The following SYCE1L variants were observed in gnomAD, a reference collection of about 807,000 sequenced individuals.
The protein encoded by SYCE1L is synaptonemal complex central element protein 1-like.
Under a neutral mutation model 39.6 loss-of-function variants are expected in SYCE1L, and 51 were observed. The observed-to-expected ratio is 1.29, with a 90% confidence interval of 1.03 to 1.63. The LOEUF (loss-of-function observed/expected upper bound fraction) is 1.63. Among genes scored for constraint, SYCE1L ranks in the 40% most tolerant of loss-of-function variants. The pLI, the probability that SYCE1L is intolerant of heterozygous loss-of-function variation, is 0.00. For synonymous variants in SYCE1L, 147 were observed against 122.4 expected (o/e 1.20, Z -1.33); for missense variants, 426 against 304.9 (o/e 1.40, Z -2.96).
chr16:77,207,453 G>T (rs147872589), intron 2 of SYCE1L, among the ~76,000 whole-genome samples: 16 of 152,218 alleles, frequency 1.1e-4, no homozygotes, highest in Non-Finnish European at 2.1e-4. Flanking sequence ...TAAAGGGATA[G>T]TGATCACCCT....
At position 77,208,191 on chromosome 16, in the gene SYCE1L, TCTTC is replaced by T. The variant is rs2054798650; in HGVS notation, c.122-15_122-12del. The T allele has an allele frequency of 6.4e-7, 1 of 1,550,508 alleles. No individual in the cohort carries two copies. The highest frequency in any genetic ancestry group is 1.4e-5 in the African/African-American group (1 of 72,960). Reference sequence around the variant, plus strand: ...CACCAGTCTTCTCTGGCTCACTCTTTCTTCCTTTCTTTCTTCAGAGGGAAGCCTG... The same window carrying T: ...CACCAGTCTTCTCTGGCTCACTCTTTCTTTCTTTCTTCAGAGGGAAGCCTG... On this transcript the variant is annotated splice_polypyrimidine_tract_variant and intron_variant, in intron 2 of 10. Transcript: ENST00000378644.
At chr16:77,209,890 G>C (rs957582582) in intron 6 of SYCE1L, among the ~76,000 whole-genome samples, 3 of 152,116 alleles carry the variant, frequency 2.0e-5, no homozygotes, top group Admixed American at 6.5e-5. Flanking sequence ...ATGTCATCCA[G>C]CCAGATGGCT....
chr16:77,208,997 G>A, intron 4 of SYCE1L, 100 bp from the exon 5 acceptor site: 1 of 1,306,610 alleles, frequency 7.7e-7, no homozygotes, highest in Non-Finnish European at 1.1e-6. Flanking sequence ...CCTCTCCTAG[G>A]GCTGTACTAC....
At chr16:77,212,106 G>A in intron 7 of SYCE1L, 24 bp from the exon 8 acceptor site, 5 of 1,543,250 alleles carry the variant, frequency 3.2e-6, no homozygotes, top group Non-Finnish European at 4.4e-6. Context: ...GCCAAACGGG[G>A]AGGCCTCCTC....
At position 77,208,458 on chromosome 16, in the gene SYCE1L, G is replaced by C; in HGVS notation, c.182-7G>C. The stretch of plus-strand genomic sequence containing the variant: ...TCATACAGTGTCTTTTTCCCTTCTT[G>C]GCCCAGCAAAGAAGAAATCCAGTGA... On this transcript the variant is annotated splice_polypyrimidine_tract_variant and splice_region_variant and intron_variant, in intron 3 of 10. Transcript: ENST00000378644. 6.4e-7 allele frequency: 1 copy of C among 1,551,286 alleles called. No homozygotes were observed. The highest frequency in any genetic ancestry group is 8.7e-7 in the Non-Finnish European group (1 of 1,146,878).
Position 77,212,569 on chromosome 16 carries a change from C to G in SYCE1L, c.582-5C>G. 1.3e-6 allele frequency: 2 copies of G among 1,536,644 alleles called. No homozygotes were observed. The highest frequency in any genetic ancestry group is 1.7e-6 in the Non-Finnish European group (2 of 1,146,590). ...CCTCCTGTCTCCTCGGCCCCTTCTC[C>G]GCAGGCTGAAGGCGGAGCTGGAGAT... On this transcript the variant is annotated splice_region_variant and splice_polypyrimidine_tract_variant and intron_variant, in intron 9 of 10. Coordinates refer to ENST00000378644, the MANE Select transcript of SYCE1L (RefSeq NM_001129979.3).
intron 1 of SYCE1L, chr16:77,199,718 C>G (rs367877599): frequency 7.6e-6 from 4 of 524,242 alleles, no homozygotes; most frequent in Non-Finnish European, 3.4e-6. Context: ...CCGAGATTAA[C>G]TTTTGTCAAC....
At chr16:77,201,852 A>G (rs1241222431) in intron 1 of SYCE1L, 1 of 152,212 alleles carries the variant, frequency 6.6e-6, no homozygotes, top group Non-Finnish European at 1.5e-5. Flanking sequence ...TATTATTGAC[A>G]CACAAGGAGC....
chr16:77,212,712 C>T (rs2054834266), intron 10 of SYCE1L, 66 bp downstream of exon 10: 3 of 1,454,308 alleles, frequency 2.1e-6, no homozygotes, highest in African/African-American at 2.9e-5. Context: ...GGGCGGGGGT[C>T]CTGGGAGCGG....
At chr16:77,205,268 C>T (rs990942355) in intron 1 of SYCE1L, among the ~76,000 whole-genome samples, 6 of 151,542 alleles carry the variant, frequency 4.0e-5, no homozygotes, top group South Asian at 2.1e-4. Flanking sequence ...AGCCGCCTTT[C>T]GTCTTCTCTT....
At chr16:77,211,115 G>C in intron 6 of SYCE1L, 98 bp from the exon 7 acceptor site, 1 of 1,325,788 alleles carries the variant, frequency 7.5e-7, no homozygotes, top group Non-Finnish European at 1.1e-6. Flanking sequence ...TCCCAGCAGA[G>C]GGAGCATGGG....
At chr16:77,212,494 T>C (rs896647854) in intron 9 of SYCE1L, 80 bp from the exon 10 acceptor site, 1 of 1,537,100 alleles carries the variant, frequency 6.5e-7, no homozygotes, top group African/African-American at 1.4e-5. Context: ...CGTCGTCGGG[T>C]CTCCGCGTCT....
At chr16:77,203,850 C>T (rs189149276) in intron 1 of SYCE1L, among the ~76,000 whole-genome samples, 54 of 152,222 alleles carry the variant, frequency 3.5e-4, no homozygotes, top group Admixed American at 3.3e-3. Flanking sequence ...CCTCGTCGGC[C>T]TCCCAAAGTG....
intron 1 of SYCE1L, among the ~76,000 whole-genome samples, chr16:77,204,972 G>C (rs1355293392): frequency 6.6e-6 from 1 of 151,372 alleles, no homozygotes; most frequent in African/African-American, 2.4e-5. Context: ...TTGAACCTGG[G>C]AGGCAGAGGT....
chr16:77,212,803 GCGGACGCGAGGAGCGTAGGAA>G, intron 10 of SYCE1L, 33 bp from the exon 11 acceptor site: 2 of 1,434,356 alleles, frequency 1.4e-6, no homozygotes, highest in Non-Finnish European at 1.8e-6. Flanking sequence ...GCAGACGCGG[GCGGACGCGAGGAGCGTAGGAA>G]CCTGGTCCGC....
chr16:77,204,857 G>C (rs1427130079), intron 1 of SYCE1L, among the ~76,000 whole-genome samples: 1 of 151,766 alleles, frequency 6.6e-6, no homozygotes, highest in African/African-American at 2.4e-5. Flanking sequence ...CCAGCCTGGG[G>C]AACACAGTAA....
chr16:77,212,598 C>A lies in SYCE1L; in HGVS notation c.606C>A (p.Phe202Leu). The change falls in exon 10 of 11, where the codon TTC becomes TTA. Residue 202 changes from phenylalanine (F) to leucine (L), a missense_variant. Physicochemically the swap from Phe to Leu is conservative, Grantham distance 22. Transcript: ENST00000378644. ...GGCTGAAGGCGGAGCTGGAGATATTCGGGGAGCAGGTCCGGAGCGCCCCCG... is the reference window on the plus strand; with the variant it reads ...GGCTGAAGGCGGAGCTGGAGATATTAGGGGAGCAGGTCCGGAGCGCCCCCG... Reference protein sequence around the residue: ...NDGLKAELEIFGEQVRSAPEV... With the variant: ...NDGLKAELEILGEQVRSAPEV... The A allele has an allele frequency of 6.5e-7, 1 of 1,536,074 alleles. No homozygotes were observed. The highest frequency in any genetic ancestry group is 8.7e-7 in the Non-Finnish European group (1 of 1,146,422).
At chr16:77,205,411 T>C (rs2054778958) in intron 1 of SYCE1L, among the ~76,000 whole-genome samples, 1 of 149,136 alleles carries the variant, frequency 6.7e-6, no homozygotes, top group Non-Finnish European at 1.5e-5. Context: ...CACAGGCTCA[T>C]GTTAAAATAT....
chr16:77,212,951 T>C lies in SYCE1L; in HGVS notation c.*20T>C. On this transcript the variant is annotated 3_prime_UTR_variant, in exon 11 of 11. Transcript: ENST00000378644. ...CTCTAGGCCAGCAGGACCCGCCCGTTCCCGACCTTCCCTCGAGACCCGCCA... is the reference window on the plus strand; with the variant it reads ...CTCTAGGCCAGCAGGACCCGCCCGTCCCCGACCTTCCCTCGAGACCCGCCA... 6.8e-7 allele frequency: 1 copy of C among 1,474,738 alleles called. No individual in the cohort carries two copies. Among genetic ancestry groups the C allele is most frequent in the South Asian group, 1.3e-5 (1 of 77,076 alleles). The allele number at this position is 1,474,738 out of a possible 1,614,324, so 91.4% of individuals were successfully genotyped here.
Sources: allele counts gnomAD v4.1 joint callset (sites outside exome capture counted in the v4.1 genomes callset), GRCh38; gene constraint gnomAD v4.1.1; transcripts MANE v1.5; gene names NCBI Gene and HGNC (gene_info 2026-07-23, HGNC 2026-07-21).